The following TENM2 variants were observed in gnomAD, a reference collection of about 807,000 sequenced individuals.
The protein encoded by TENM2 is teneurin-2.
In TENM2, 52 loss-of-function variants were observed where a neutral mutation model predicts 245.2. The observed-to-expected ratio is 0.21, with a 90% CI of 0.17 to 0.27. The LOEUF (loss-of-function observed/expected upper bound fraction) is 0.27. Ranked by LOEUF, TENM2 falls within the 10% of genes least tolerant of loss-of-function variation. The pLI, the probability that TENM2 is intolerant of heterozygous loss-of-function variation, is 1.00. For missense variants in TENM2, 3,046 were observed against 3,666.8 expected, an observed-to-expected ratio of 0.83 and a Z score of 4.37; for synonymous variants, 1,363 against 1,438.9, an observed-to-expected ratio of 0.95 and a Z score of 1.19.
At chr5:167,244,451 G>A in the TENM2 span, among the ~76,000 whole-genome samples, 5 of 152,184 alleles carry the variant, frequency 3.3e-5, no homozygotes, top group Non-Finnish European at 7.3e-5. Context: ...TGGAAATGCA[G>A]TTTTACCATG....
chr5:167,430,351 T>C (rs1265783587), intron 2 of TENM2, among the ~76,000 whole-genome samples: 1 of 152,180 alleles, frequency 6.6e-6, no homozygotes, highest in Admixed American at 6.5e-5. Context: ...ATGTGCTTTG[T>C]CCACCATAAG....
chr5:167,710,608 G>T (rs928311372), intron 2 of TENM2, among the ~76,000 whole-genome samples: 1 of 152,192 alleles, frequency 6.6e-6, no homozygotes, highest in Non-Finnish European at 1.5e-5. Flanking sequence ...GAAAGGGTCA[G>T]CCCAGACTTG....
At chr5:167,528,485 C>T (rs1460259313) in intron 2 of TENM2, among the ~76,000 whole-genome samples, 1 of 152,024 alleles carries the variant, frequency 6.6e-6, no homozygotes, top group Non-Finnish European at 1.5e-5. Flanking sequence ...TTAAACTTGA[C>T]ATATAATAGC....
chr5:168,026,438 T>C (rs1581097278), intron 5 of TENM2, among the ~76,000 whole-genome samples: 2 of 152,328 alleles, frequency 1.3e-5, no homozygotes, highest in South Asian at 4.1e-4. Context: ...GATAGTATTT[T>C]TAGGGCTTAT....
chr5:167,900,342 G>C (rs1308379553), intron 3 of TENM2, among the ~76,000 whole-genome samples: 1 of 152,080 alleles, frequency 6.6e-6, no homozygotes, highest in Admixed American at 6.6e-5. Context: ...ATGTGGGGGA[G>C]GAATTATTAT....
chr5:167,482,506 A>T (rs1432460540), intron 2 of TENM2, among the ~76,000 whole-genome samples: 1 of 152,124 alleles, frequency 6.6e-6, no homozygotes, highest in Non-Finnish European at 1.5e-5. Context: ...TTTTTTACAG[A>T]ATTCTTTTAA....
intron 2 of TENM2, among the ~76,000 whole-genome samples, chr5:167,514,976 A>C (rs560058927): frequency 1.3e-5 from 2 of 152,244 alleles, no homozygotes; most frequent in South Asian, 2.1e-4. Flanking sequence ...AAGCCATTGC[A>C]CTCCAGCCTG....
chr5:167,286,398 C>A (rs1358276524), intron 1 of TENM2, among the ~76,000 whole-genome samples: 2 of 152,200 alleles, frequency 1.3e-5, no homozygotes, highest in African/African-American at 4.8e-5. Context: ...TGATCTGTAA[C>A]TTCAACAAGT....
At position 167,510,122 on chromosome 5, in the gene TENM2, G is replaced by A. The variant is rs568137925; in HGVS notation, c.502+134649G>A. ...ACAGATAGGCTCTCAATAAATATTC[G>A]TTCAATTGAATTTGACTGATGTTTG... On this transcript the variant is annotated intron_variant, in intron 2 of 28. Transcript: ENST00000518659. Among the ~76,000 whole-genome samples the A allele has an allele frequency of 5.3e-5, 8 of 152,232 alleles. No individual in the cohort carries two copies. The South Asian group carries it at 1.2e-3, about 24-fold the overall frequency.
the TENM2 span, among the ~76,000 whole-genome samples, chr5:167,041,143 C>A: frequency 6.6e-6 from 1 of 152,216 alleles, no homozygotes; most frequent in Non-Finnish European, 1.5e-5. Context: ...CATTGGCATT[C>A]AAGTTGTGAC....
chr5:168,081,502 A>C (rs1356605696), intron 7 of TENM2, among the ~76,000 whole-genome samples: 1 of 152,096 alleles, frequency 6.6e-6, no homozygotes. Context: ...TTGCTCATTA[A>C]TTGATGTGAT....
chr5:168,144,751 G>A (rs540528495), intron 12 of TENM2, among the ~76,000 whole-genome samples: 2,356 of 152,218 alleles, frequency 0.015, 24 homozygotes, highest in Non-Finnish European at 0.025. Context: ...CTGAGGAATC[G>A]CCACACTGAC....
intron 2 of TENM2, among the ~76,000 whole-genome samples, chr5:167,706,242 GTATAC>G (rs1408741939): frequency 2.1e-5 from 3 of 144,336 alleles, no homozygotes; most frequent in Non-Finnish European, 4.5e-5. Flanking sequence ...TTATTATATA[GTATAC>G]TATATATTAT....
intron 2 of TENM2, among the ~76,000 whole-genome samples, chr5:167,629,798 C>T (rs1198102720): frequency 6.6e-6 from 1 of 151,942 alleles, no homozygotes; most frequent in Non-Finnish European, 1.5e-5. Context: ...CCTTATGACA[C>T]CACCCAGAGT....
At chr5:168,079,299 G>A (rs1343362124) in intron 7 of TENM2, among the ~76,000 whole-genome samples, 1 of 152,246 alleles carries the variant, frequency 6.6e-6, no homozygotes, top group Non-Finnish European at 1.5e-5. Flanking sequence ...AGACTTTGCT[G>A]AAGTTGCTTA....
intron 19 of TENM2, among the ~76,000 whole-genome samples, chr5:168,208,003 C>A (rs1762501426): frequency 6.6e-6 from 1 of 152,208 alleles, no homozygotes; most frequent in African/African-American, 2.4e-5. Context: ...CCCATCTTTA[C>A]TAGTCCAGTT....
chr5:167,221,160 AGCCGT>A, the TENM2 span, among the ~76,000 whole-genome samples: 2 of 152,258 alleles, frequency 1.3e-5, no homozygotes, highest in Admixed American at 1.3e-4. Context: ...TTGGGGATGC[AGCCGT>A]GATGCCGATG....
intron 25 of TENM2, among the ~76,000 whole-genome samples, chr5:168,232,675 C>T (rs1296782211): frequency 6.6e-6 from 1 of 152,198 alleles, no homozygotes; most frequent in African/African-American, 2.4e-5. Context: ...AGAAGACCAA[C>T]AATCTCAGTG....
At chr5:167,278,544 G>A in the TENM2 span, among the ~76,000 whole-genome samples, 21 of 152,044 alleles carry the variant, frequency 1.4e-4, no homozygotes, top group African/African-American at 4.8e-4. Flanking sequence ...GTTACTGAAC[G>A]GTTTATAGGG....
Sources: gnomAD v4.1 joint callset for allele counts (sites outside exome capture counted in the v4.1 genomes callset) on GRCh38, gnomAD v4.1.1 for gene constraint, MANE v1.5 for transcripts, NCBI Gene and HGNC (gene_info 2026-07-23, HGNC 2026-07-21) for gene names.